Variants in MED13L observed in about 807,000 individuals in gnomAD.
The protein encoded by MED13L is mediator complex subunit 13L.
A neutral mutation model predicts 220.9 loss-of-function variants in MED13L; 7 were observed. That is an observed-to-expected ratio of 0.03 (90% CI 0.02 to 0.06). The LOEUF is 0.06. Among genes scored for constraint, MED13L ranks in the 10% least tolerant of loss-of-function variants. The pLI is 1.00. For synonymous variants in MED13L, 1,011 were observed against 1,015.2 expected (o/e 1.00, Z 0.08); for missense variants, 1,965 against 2,760.5 (o/e 0.71, Z 6.46).
chr12:115,986,349 C>A lies in MED13L; in HGVS notation c.4255G>T (p.Ala1419Ser). ...TTTTCTGGACACACCACAATATAGG[C>A]AACATCACGGTGGCCCCCATATGGG... is the stretch of plus-strand genomic sequence containing the variant. ...LDPYGGHRDVAYIVVCPENEA... is the reference protein window; with the variant it reads ...LDPYGGHRDVSYIVVCPENEA... Residue 1419 changes from alanine to serine, a missense_variant, in exon 19 of 31, where the codon GCC becomes TCC. By Grantham distance (99) the Ala-to-Ser change is moderately conservative. This residue lies in a region of MED13L where 510 missense variants were observed against 620.4 expected (regional missense o/e 0.82). Transcript: ENST00000281928. 6.2e-7 allele frequency: 1 copy of A among 1,614,144 alleles called. No individual in the cohort carries two copies. The highest frequency in any genetic ancestry group is 8.5e-7 in the Non-Finnish European group (1 of 1,180,030).
intron 1 of MED13L, among the ~76,000 whole-genome samples, chr12:116,245,970 T>A (rs1467314804): frequency 1.3e-5 from 2 of 152,152 alleles, no homozygotes. Flanking sequence ...CATATCACTG[T>A]AAACTTTCAG....
intron 4 of MED13L, among the ~76,000 whole-genome samples, chr12:116,074,911 T>C (rs1403131727): frequency 2.0e-5 from 3 of 152,258 alleles, no homozygotes; most frequent in Admixed American, 1.3e-4. Context: ...TTCCTAAATA[T>C]GTATTTAAAT....
In MED13L at chr12:116,019,999, T is replaced by A. The variant is rs11611238; in HGVS notation, c.626-27A>T. 1.3e-4 allele frequency: 210 copies of A among 1,588,458 alleles called. 1 individual carries two copies. Among genetic ancestry groups the A allele is most frequent in the Middle Eastern group, 8.3e-4 (5 of 6,000 alleles). ...TATGGAGGGGAGGAGAAATACATGC[T>A]AAACATTAGAGAAATAATTCCTACT... On this transcript the variant is annotated intron_variant, in intron 5 of 30. Coordinates refer to ENST00000281928, the MANE Select transcript of MED13L (RefSeq NM_015335.5).
intron 4 of MED13L, among the ~76,000 whole-genome samples, chr12:116,094,783 G>A (rs1350543126): frequency 6.6e-6 from 1 of 152,148 alleles, no homozygotes; most frequent in Non-Finnish European, 1.5e-5. Flanking sequence ...ATTTAAGTCT[G>A]CAGAGTCATA....
chr12:115,972,595 G>T, intron 25 of MED13L: 2 of 330,430 alleles, frequency 6.1e-6, no homozygotes, highest in South Asian at 5.3e-5. Context: ...CTCAAGGTCC[G>T]ATTCTTTCAG....
In MED13L at chr12:116,253,877, G is replaced by A. The variant is rs557828645; in HGVS notation, c.73-16172C>T. Among the ~76,000 whole-genome samples, 91 of 148,470 alleles carry A rather than the reference G, an allele frequency of 6.1e-4. 2 individuals carry two copies. The South Asian group carries it at 0.012, about 20-fold the overall frequency. On this transcript the variant is annotated intron_variant, in intron 1 of 30. Transcript: ENST00000281928. Reference sequence around the variant, plus strand: ...TGGGTTCAAGAGATTCTCGTGCCTCGGCCTCCTGAGTAGCTGAGATTACAG... The same window carrying A: ...TGGGTTCAAGAGATTCTCGTGCCTCAGCCTCCTGAGTAGCTGAGATTACAG...
Position 115,982,424 on chromosome 12 carries a change from T to A in MED13L, c.5135A>T (p.Asp1712Val). Residue 1712 changes from aspartate to valine, a missense_variant, in exon 22 of 31, where the codon GAT becomes GTT. Transcript: ENST00000281928. ...SLMRCYTEML[D>V]NLPEHMRNSF... Reference sequence around the variant, plus strand: ...ATTTCTCATATGCTCAGGTAAATTATCCAGCATTTCTGTGTAGCAGCGCAT... The same window carrying A: ...ATTTCTCATATGCTCAGGTAAATTAACCAGCATTTCTGTGTAGCAGCGCAT... 1.2e-6 allele frequency: 2 copies of A among 1,614,166 alleles called. No individual in the cohort carries two copies. Among genetic ancestry groups the A allele is most frequent in the Non-Finnish European group, 1.7e-6 (2 of 1,180,000 alleles).
Position 116,165,259 on chromosome 12 carries a change from CTTTTTTTTT to C in MED13L, c.311-53756_311-53748del, listed in dbSNP as rs34196219. Among the ~76,000 whole-genome samples the C allele has an allele frequency of 3.4e-3, 253 of 74,502 alleles. 2 individuals are homozygous for C. The highest frequency in any genetic ancestry group is 0.011 in the African/African-American group (194 of 16,948). 48.9% of individuals were successfully genotyped at this position (74,502 alleles called of 152,430 possible). A position where few individuals can be genotyped will look rare whatever the true frequency, so the allele number is the denominator to read the frequency against. On this transcript the variant is annotated intron_variant, in intron 2 of 30. Transcript: ENST00000281928. Reference sequence around the variant, plus strand: ...TTAAGGCAATGAAGTAGGCACCATCCTTTTTTTTTTTTTTTTTTTTTTTTTTTTGACTAC... The same window carrying C: ...TTAAGGCAATGAAGTAGGCACCATCCTTTTTTTTTTTTTTTTTTTGACTAC...
At chr12:116,003,339 GAGCTTGCAGACCTTA>G (rs2137360397) in intron 13 of MED13L, among the ~76,000 whole-genome samples, 1 of 152,238 alleles carries the variant, frequency 6.6e-6, no homozygotes, top group South Asian at 2.1e-4. Flanking sequence ...CATCAAAGGA[GAGCTTGCAGACCTTA>G]AGCAATTCTT....
rs754906505 is a variant in MED13L at position 116,022,526 on chromosome 12, C to T, written c.555G>A (p.Gln185=). The T allele has an allele frequency of 6.2e-7, 1 of 1,613,530 alleles. No homozygotes were observed. The highest frequency in any genetic ancestry group is 1.1e-5 in the South Asian group (1 of 90,956). ...SNVCTSVEIA[Q]HQPIYLINEE... ...CATTGATCAAATAAATTGGCTGGTGCTGGGCAATCTCCACACTTGTGCATA... is the reference window on the plus strand; with the variant it reads ...CATTGATCAAATAAATTGGCTGGTGTTGGGCAATCTCCACACTTGTGCATA... The change falls in exon 5 of 31, where the codon CAG becomes CAA. Residue 185 remains glutamine, a synonymous_variant. Coordinates refer to ENST00000281928, the MANE Select transcript of MED13L (RefSeq NM_015335.5).
chr12:116,014,507 T>G (rs1879607692), intron 8 of MED13L, among the ~76,000 whole-genome samples: 1 of 152,184 alleles, frequency 6.6e-6, no homozygotes, highest in South Asian at 2.1e-4. Context: ...CAGCAGTCTT[T>G]TCTAAAAATC....
At chr12:116,142,752 G>C (rs952890124) in intron 2 of MED13L, among the ~76,000 whole-genome samples, 41 of 152,078 alleles carry the variant, frequency 2.7e-4, no homozygotes, top group Admixed American at 2.5e-3. Flanking sequence ...ATGCACAATT[G>C]ATGTATGTGT....
intron 2 of MED13L, among the ~76,000 whole-genome samples, chr12:116,121,971 A>G (rs1014707586): frequency 3.9e-5 from 6 of 152,172 alleles, no homozygotes; most frequent in Admixed American, 2.0e-4. Flanking sequence ...AAACAAGTAC[A>G]TTGTTTCCCA....
intron 4 of MED13L, among the ~76,000 whole-genome samples, chr12:116,057,844 A>G (rs1191088199): frequency 6.6e-6 from 1 of 151,776 alleles, no homozygotes; most frequent in Non-Finnish European, 1.5e-5. Flanking sequence ...GATTATTACT[A>G]TTTTTTTTAT....
intron 3 of MED13L, among the ~76,000 whole-genome samples, chr12:116,099,958 A>C (rs1457584285): frequency 2.0e-5 from 3 of 152,214 alleles, no homozygotes; most frequent in Admixed American, 1.3e-4. Context: ...TCCAAATAAG[A>C]GTCACAAATA....
Position 115,969,000 on chromosome 12 carries a change from T to C in MED13L, c.6165A>G (p.Pro2055=), listed in dbSNP as rs1429111450. Residue 2055 remains proline (P), a synonymous_variant, in exon 28 of 31, where the codon CCA becomes CCG. Coordinates refer to ENST00000281928, the MANE Select transcript of MED13L (RefSeq NM_015335.5). Reference sequence around the variant, plus strand: ...CAGAAGGAGAGCCTGGGGAGGGTACTGGGGAAGAGTTGGGAGAGGAATGGA... The same window carrying C: ...CAGAAGGAGAGCCTGGGGAGGGTACCGGGGAAGAGTTGGGAGAGGAATGGA... ...GNLHSSPNSS[P]VPSPGSPSGI... 2 of 1,614,078 alleles carry C rather than the reference T, an allele frequency of 1.2e-6. No individual in the cohort carries two copies. Among genetic ancestry groups the C allele is most frequent in the South Asian group, 2.2e-5 (2 of 91,076 alleles).
chr12:115,970,636 G>C lies in MED13L; in HGVS notation c.6025C>G (p.Pro2009Ala), dbSNP rs1876517712. ...CCATCTTCATTGGGGTAGTTGGCTG[G>C]AGCCACCTGGATGGTTGATGATGTT... ...FPTSSTIQVAPANYPNEDGFS... is the reference protein window; with the variant it reads ...FPTSSTIQVAAANYPNEDGFS... Residue 2009 changes from proline to alanine, a missense_variant, in exon 27 of 31, where the codon CCA becomes GCA. Pro to Ala is a conservative substitution (Grantham distance 27). This residue lies in a region of MED13L where 145 missense variants were observed against 328.3 expected (regional missense o/e 0.44). Transcript: ENST00000281928. 6.2e-7 allele frequency: 1 copy of C among 1,614,014 alleles called. No individual in the cohort carries two copies. The highest frequency in any genetic ancestry group is 1.1e-5 in the South Asian group (1 of 91,074).
intron 2 of MED13L, among the ~76,000 whole-genome samples, chr12:116,176,696 T>A (rs1033041635): frequency 4.0e-5 from 6 of 150,980 alleles, no homozygotes; most frequent in African/African-American, 1.2e-4. Flanking sequence ...AAGAAAAAAA[T>A]TCAGCTGAAG....
At chr12:116,256,746 A>C (rs1872094349) in intron 1 of MED13L, among the ~76,000 whole-genome samples, 3 of 120,746 alleles carry the variant, frequency 2.5e-5, no homozygotes, top group African/African-American at 9.8e-5. Context: ...AGTGCAGTGG[A>C]TTGATCTCAG....
Sources: allele counts gnomAD v4.1 joint callset (sites outside exome capture counted in the v4.1 genomes callset), GRCh38; gene constraint gnomAD v4.1.1; regional missense constraint gnomAD v4.1.1; transcripts MANE v1.5; gene names NCBI Gene and HGNC (gene_info 2026-07-23, HGNC 2026-07-21).